The following SEPTIN9 variants were observed in gnomAD, a reference collection of about 807,000 sequenced individuals.
SEPTIN9 encodes the protein septin 9.
Under a neutral mutation model 56.6 loss-of-function variants are expected in SEPTIN9, and 13 were observed. That is an observed-to-expected ratio of 0.23 (90% CI 0.15 to 0.37). The LOEUF is 0.37. SEPTIN9 is among the 10% of genes least tolerant of loss of function. The pLI, the probability that SEPTIN9 is intolerant of heterozygous loss-of-function variation, is 1.00. For missense variants in SEPTIN9, 650 were observed against 823.1 expected, an observed-to-expected ratio of 0.79 and a Z score of 2.57; for synonymous variants, 332 against 334.1, an observed-to-expected ratio of 0.99 and a Z score of 0.07.
intron 10 of SEPTIN9, among the ~76,000 whole-genome samples, chr17:77,493,651 C>T (rs962785601): frequency 3.3e-5 from 5 of 152,146 alleles, no homozygotes; most frequent in Admixed American, 1.3e-4. Flanking sequence ...TGCCTTCCTC[C>T]TTCTGGTGGC....
At chr17:77,416,415 G>A (rs566038040) in intron 3 of SEPTIN9, among the ~76,000 whole-genome samples, 4 of 152,304 alleles carry the variant, frequency 2.6e-5, no homozygotes, top group Admixed American at 1.3e-4. Flanking sequence ...CTGAGCCCCC[G>A]GCCCTCTGAA....
rs553722540 is a variant in SEPTIN9 at position 77,419,007 on chromosome 17, A to G, written c.721+16304A>G. ...CTGGTTGCCCATACCCTGGCCTCCC[A>G]AAGCCCAGCCTGAAGCCTTAGGCAC... On this transcript the variant is annotated intron_variant, in intron 3 of 11. Transcript: ENST00000427177. Among the ~76,000 whole-genome samples the G allele has an allele frequency of 3.3e-5, 5 of 152,268 alleles. No homozygotes were observed. The South Asian group carries it at 8.3e-4, about 25-fold the overall frequency.
chr17:77,385,705 G>T (rs78786649), intron 2 of SEPTIN9, among the ~76,000 whole-genome samples: 1 of 152,142 alleles, frequency 6.6e-6, no homozygotes, highest in South Asian at 2.1e-4. Context: ...TGGTTTTCTC[G>T]TGCTCCAGGC....
intron 4 of SEPTIN9, among the ~76,000 whole-genome samples, chr17:77,486,224 T>G (rs1027794096): frequency 6.6e-6 from 1 of 152,142 alleles, no homozygotes; most frequent in African/African-American, 2.4e-5. Flanking sequence ...TACTTCAGCC[T>G]CCTGCGTAGC....
At chr17:77,283,227 A>G (rs1715489) in intron 1 of SEPTIN9, among the ~76,000 whole-genome samples, 25,973 of 144,646 alleles carry the variant, frequency 0.18, 2,527 homozygotes, top group African/African-American at 0.27. Context: ...GAGTTTGTGG[A>G]GTGAGCAGGA....
rs774875130 is a variant in SEPTIN9 at position 77,499,382 on chromosome 17, C to T, written c.*724C>T. On this transcript the variant is annotated 3_prime_UTR_variant, in exon 12 of 12. Coordinates refer to ENST00000427177, the MANE Select transcript of SEPTIN9 (RefSeq NM_001113491.2). ...ATCTCCCTGCCATCCCCCTCTCACG[C>T]CACCCCCGCCCCCACCGGGCTGCAG... 1 of 555,290 alleles carries T rather than the reference C, an allele frequency of 1.8e-6. No individual in the cohort carries two copies. Among genetic ancestry groups the T allele is most frequent in the Non-Finnish European group, 3.5e-6 (1 of 287,366 alleles). 34.4% of individuals were successfully genotyped at this position (555,290 alleles called of 1,614,324 possible). A position where few individuals can be genotyped will look rare whatever the true frequency, so the allele number is the denominator to read the frequency against.
chr17:77,497,704 G>A (rs2040331090), intron 11 of SEPTIN9: 1 of 435,728 alleles, frequency 2.3e-6, no homozygotes, highest in South Asian at 2.2e-5. Context: ...GCAGCGTGGG[G>A]CGTCTCCAGC....
intron 10 of SEPTIN9, among the ~76,000 whole-genome samples, chr17:77,495,196 C>CA (rs2040207055): frequency 1.3e-5 from 2 of 152,196 alleles, no homozygotes; most frequent in Non-Finnish European, 2.9e-5. Context: ...GAGGTCCCCG[C>CA]ACCTCTCTGA....
rs1329932754 is a variant in SEPTIN9 at position 77,369,482 on chromosome 17, G to A, written c.77-32577G>A. Among the ~76,000 whole-genome samples, 2 of 152,046 alleles carry A rather than the reference G, an allele frequency of 1.3e-5. No individual in the cohort carries two copies. Among genetic ancestry groups the A allele is most frequent in the African/African-American group, 2.4e-5 (1 of 41,368 alleles). The stretch of plus-strand genomic sequence containing the variant: ...AAGAGAGGAGTCAACAGTGGTGCCC[G>A]GAGACTTGGCTTGAGCAACTAGGTG... On this transcript the variant is annotated intron_variant, in intron 2 of 11. Transcript: ENST00000427177. This position sits in a 1 kb window ranked among gnomAD's most constrained non-coding sequence, Gnocchi z 4.9.
chr17:77,399,842 C>A (rs1319058888), intron 2 of SEPTIN9, among the ~76,000 whole-genome samples: 2 of 152,176 alleles, frequency 1.3e-5, no homozygotes, highest in Non-Finnish European at 2.9e-5. Flanking sequence ...GGAGCCCACA[C>A]CTGGCACACC....
At chr17:77,488,020 A>G (rs1480131331) in intron 5 of SEPTIN9, among the ~76,000 whole-genome samples, 5 of 152,238 alleles carry the variant, frequency 3.3e-5, no homozygotes, top group Admixed American at 3.3e-4. Flanking sequence ...AGCTCCCCAC[A>G]GACAACTGAG....
chr17:77,328,305 C>CTTGTG (rs1388708311), intron 2 of SEPTIN9, among the ~76,000 whole-genome samples: 11 of 152,354 alleles, frequency 7.2e-5, no homozygotes, highest in African/African-American at 2.6e-4. Context: ...TGGTTGAGTT[C>CTTGTG]ATCTTGTGCT....
chr17:77,321,849 TC>T (rs1245896682), intron 2 of SEPTIN9, among the ~76,000 whole-genome samples: 1 of 152,172 alleles, frequency 6.6e-6, no homozygotes, highest in Non-Finnish European at 1.5e-5. Flanking sequence ...CTGTTTGAGC[TC>T]GGGGGCTCAG....
At chr17:77,488,572 G>A (rs1042024609) in intron 6 of SEPTIN9, among the ~76,000 whole-genome samples, 155 bp from the exon 7 acceptor site, 14 of 152,208 alleles carry the variant, frequency 9.2e-5, no homozygotes, top group African/African-American at 2.7e-4. Context: ...GGAGGCCGAG[G>A]GTAAGGCTGT....
At chr17:77,427,558 G>A (rs2036959700) in intron 3 of SEPTIN9, among the ~76,000 whole-genome samples, 1 of 152,232 alleles carries the variant, frequency 6.6e-6, no homozygotes, top group Admixed American at 6.5e-5. Flanking sequence ...CACCCCTTGG[G>A]CACAGCTGCC....
At position 77,499,898 on chromosome 17, in the gene SEPTIN9, CAG is replaced by C. The variant is rs1386444993; in HGVS notation, c.*1241_*1242del. The C allele has an allele frequency of 7.3e-6, 2 of 275,006 alleles. No homozygotes were observed. The highest frequency in any genetic ancestry group is 5.5e-5 in the East Asian group (1 of 18,324). 17.0% of individuals were successfully genotyped at this position (275,006 alleles called of 1,614,324 possible). Reference sequence around the variant, plus strand: ...CCCCTAGAAAGGAGAGAACGGGCGTCAGGGGTGCACAGTCCACAGCTGAAGAG... The same window carrying C: ...CCCCTAGAAAGGAGAGAACGGGCGTCGGGTGCACAGTCCACAGCTGAAGAG... On this transcript the variant is annotated 3_prime_UTR_variant, in exon 12 of 12. Transcript: ENST00000427177.
intron 3 of SEPTIN9, among the ~76,000 whole-genome samples, chr17:77,411,247 G>A (rs982329096): frequency 1.3e-5 from 2 of 152,190 alleles, no homozygotes; most frequent in Non-Finnish European, 2.9e-5. Flanking sequence ...TTCCTGCAGA[G>A]TCATTCAGGG....
rs370913831 is a variant in SEPTIN9 at position 77,319,415 on chromosome 17, A to G, written c.76+12218A>G. ...CGGAGAGGAAGACTCGCTCCCTCCC[A>G]GGGGACGGCTAGAGACTCACTGACT... On this transcript the variant is annotated intron_variant, in intron 2 of 11. Transcript: ENST00000427177. This position sits in a 1 kb window ranked among gnomAD's most constrained non-coding sequence, Gnocchi z 5.3. 2.4e-6 allele frequency: 1 copy of G among 411,460 alleles called. No homozygotes were observed. Among genetic ancestry groups the G allele is most frequent in the Non-Finnish European group, 3.4e-6 (1 of 295,592 alleles). 25.5% of individuals were successfully genotyped at this position (411,460 alleles called of 1,614,324 possible).
At chr17:77,300,302 C>G (rs2031981301) in intron 1 of SEPTIN9, among the ~76,000 whole-genome samples, 1 of 151,706 alleles carries the variant, frequency 6.6e-6, no homozygotes, top group South Asian at 2.1e-4. Context: ...GGAGCAAGTT[C>G]CTAAGGCAAG....
Sources: gnomAD v4.1 joint callset for allele counts (sites outside exome capture counted in the v4.1 genomes callset) on GRCh38, gnomAD v4.1.1 for gene constraint, Gnocchi (gnomAD v3.1) non-coding constraint, MANE v1.5 for transcripts, NCBI Gene and HGNC (gene_info 2026-07-23, HGNC 2026-07-21) for gene names.